The following ANKS1B variants were observed in gnomAD, a reference collection of about 807,000 sequenced individuals.
The protein encoded by ANKS1B is ankyrin repeat and sterile alpha motif domain-containing protein 1B.
Under a neutral mutation model 148.3 loss-of-function variants are expected in ANKS1B, and 36 were observed. That is an observed-to-expected ratio of 0.24 (90% CI 0.19 to 0.32). The LOEUF is 0.32. Ranked by LOEUF, ANKS1B falls within the 10% of genes least tolerant of loss-of-function variation. The probability of loss-of-function intolerance (pLI) is 1.00; values close to 1 mark genes in which losing one functional copy is unlikely to be tolerated. For missense variants in ANKS1B, 1,157 were observed against 1,542.6 expected, an observed-to-expected ratio of 0.75 and a Z score of 4.19; for synonymous variants, 542 against 560.8, an observed-to-expected ratio of 0.97 and a Z score of 0.47.
At chr12:99,847,997 T>C (rs541471073) in intron 1 of ANKS1B, among the ~76,000 whole-genome samples, 1 of 152,090 alleles carries the variant, frequency 6.6e-6, no homozygotes, top group East Asian at 1.9e-4. Context: ...CTAGAATGTA[T>C]GGAACATGGG....
chr12:99,959,212 C>T (rs1603502607), intron 1 of ANKS1B, among the ~76,000 whole-genome samples: 1 of 149,620 alleles, frequency 6.7e-6, no homozygotes, highest in African/African-American at 2.5e-5. Flanking sequence ...AGGTGCAGGC[C>T]ACCACACCCA....
intron 17 of ANKS1B, among the ~76,000 whole-genome samples, chr12:98,874,245 C>A (rs1266769897): frequency 6.6e-6 from 1 of 151,914 alleles, no homozygotes; most frequent in African/African-American, 2.4e-5. Flanking sequence ...CAATAACAAT[C>A]TGTTAACATC....
At chr12:99,947,731 G>T (rs2095105687) in intron 1 of ANKS1B, among the ~76,000 whole-genome samples, 1 of 152,056 alleles carries the variant, frequency 6.6e-6, no homozygotes, top group South Asian at 2.1e-4. Context: ...AACCAAACTG[G>T]GCTCTTATCT....
intron 1 of ANKS1B, among the ~76,000 whole-genome samples, chr12:99,881,075 C>A (rs778284576): frequency 1.3e-5 from 2 of 152,088 alleles, no homozygotes; most frequent in Non-Finnish European, 2.9e-5. Context: ...ATCAGCAGTG[C>A]GTTTCTTGTT....
intron 12 of ANKS1B, among the ~76,000 whole-genome samples, chr12:99,286,788 G>C (rs1484133343): frequency 1.3e-5 from 2 of 152,196 alleles, no homozygotes; most frequent in African/African-American, 2.4e-5. Flanking sequence ...TGTGAGCCTA[G>C]AACAGTGGTG....
At chr12:99,344,931 C>T (rs1018956085) in intron 12 of ANKS1B, 1 of 152,008 alleles carries the variant, frequency 6.6e-6, no homozygotes, top group African/African-American at 2.4e-5. Context: ...GTAATCACTG[C>T]TGTTTTCAAA....
intron 1 of ANKS1B, among the ~76,000 whole-genome samples, chr12:99,850,281 G>GTCTCTCCCTCTCTCCCTCTC (rs57015094): frequency 5.9e-4 from 67 of 114,260 alleles, no homozygotes; most frequent in Non-Finnish European, 1.2e-3. Context: ...AAGCAAGAAA[G>GTCTCTCCCTCTCTCCCTCTC]TCTCTCTCTC....
intron 1 of ANKS1B, among the ~76,000 whole-genome samples, chr12:99,877,391 T>G (rs1413117795): frequency 6.6e-6 from 1 of 152,114 alleles, no homozygotes; most frequent in Non-Finnish European, 1.5e-5. Flanking sequence ...TTATGCCCCC[T>G]AGAAATCTGC....
chr12:99,608,988 G>C (rs1221991353), intron 9 of ANKS1B, among the ~76,000 whole-genome samples: 1 of 151,966 alleles, frequency 6.6e-6, no homozygotes, highest in Non-Finnish European at 1.5e-5. Flanking sequence ...AATCTGGGGA[G>C]ATCTTAAGTT....
intron 1 of ANKS1B, among the ~76,000 whole-genome samples, chr12:99,970,799 C>T (rs1334621495): frequency 6.6e-6 from 1 of 152,160 alleles, no homozygotes; most frequent in Non-Finnish European, 1.5e-5. Flanking sequence ...CTGCAGTTTC[C>T]CCTGAATACT....
At chr12:98,936,404 G>T (rs1341321582) in intron 17 of ANKS1B, among the ~76,000 whole-genome samples, 5 of 152,122 alleles carry the variant, frequency 3.3e-5, no homozygotes, top group Non-Finnish European at 7.4e-5. Flanking sequence ...TGAGGTGGGC[G>T]GATCATGAGG....
Position 99,828,559 on chromosome 12 carries a change from A to T in ANKS1B, c.135-3170T>A, listed in dbSNP as rs2083492878. 2.0e-5 allele frequency among the ~76,000 whole-genome samples: 3 copies of T among 152,320 alleles called. No individual in the cohort carries two copies. The South Asian group carries it at 6.2e-4, about 32-fold the overall frequency. ...AAAATTAGGAACAAACTACAGAAAA[A>T]AAAGAAACTTAGAGAAAATTTAGAC... is the stretch of plus-strand genomic sequence containing the variant. On this transcript the variant is annotated intron_variant, in intron 1 of 26. Coordinates refer to ENST00000683438, the MANE Select transcript of ANKS1B (RefSeq NM_001352186.2).
intron 1 of ANKS1B, among the ~76,000 whole-genome samples, chr12:99,891,387 G>T (rs1439881595): frequency 1.3e-5 from 2 of 152,036 alleles, no homozygotes; most frequent in African/African-American, 4.8e-5. Context: ...ATATCTCATT[G>T]TGATTTTTTT....
intron 17 of ANKS1B, among the ~76,000 whole-genome samples, chr12:98,890,525 T>C (rs1395957580): frequency 6.6e-6 from 1 of 152,214 alleles, no homozygotes. Flanking sequence ...AGTTACATTT[T>C]ATATTTCTAG....
At chr12:99,183,196 T>A (rs2079350030) in intron 14 of ANKS1B, among the ~76,000 whole-genome samples, 2 of 152,206 alleles carry the variant, frequency 1.3e-5, no homozygotes, top group South Asian at 2.1e-4. Flanking sequence ...CATGATGACC[T>A]TCATTCCCTA....
intron 14 of ANKS1B, among the ~76,000 whole-genome samples, chr12:99,170,467 TTTTA>T (rs1419003684): frequency 1.3e-5 from 2 of 152,222 alleles, no homozygotes; most frequent in African/African-American, 4.8e-5. Context: ...TATCTCATGG[TTTTA>T]TTTGAAGCTG....
Position 99,809,027 on chromosome 12 carries a change from T to C in ANKS1B, c.373-2327A>G, listed in dbSNP as rs887689338. Among the ~76,000 whole-genome samples the C allele has an allele frequency of 2.0e-4, 30 of 152,276 alleles. 1 individual carries two copies. Among genetic ancestry groups the C allele is most frequent in the African/African-American group, 7.0e-4 (29 of 41,566 alleles). On this transcript the variant is annotated intron_variant, in intron 3 of 26. Coordinates refer to ENST00000683438, the MANE Select transcript of ANKS1B (RefSeq NM_001352186.2). ...AGTGGACGCCACAACGGTGGTACTT[T>C]TACGAGAGCATGATTGTGTATTTGT...
intron 17 of ANKS1B, among the ~76,000 whole-genome samples, chr12:98,951,955 T>C (rs552503226): frequency 7.2e-4 from 110 of 152,320 alleles, no homozygotes; most frequent in African/African-American, 2.5e-3. Context: ...CCTGTCACAG[T>C]ACCTAGCATA....
chr12:99,218,931 G>T (rs140665403), intron 14 of ANKS1B, among the ~76,000 whole-genome samples: 1 of 152,288 alleles, frequency 6.6e-6, no homozygotes, highest in African/African-American at 2.4e-5. Context: ...ACCATTTTCT[G>T]ACCTATATAC....
Sources: gnomAD v4.1 joint callset for allele counts (sites outside exome capture counted in the v4.1 genomes callset) on GRCh38, gnomAD v4.1.1 for gene constraint, MANE v1.5 for transcripts, NCBI Gene and HGNC (gene_info 2026-07-23, HGNC 2026-07-21) for gene names.